Variants in NIPAL2 observed in about 807,000 individuals in gnomAD.
NIPAL2 encodes the protein NIPA like domain containing 2, also known as NIPA-like protein 2.
In NIPAL2, 43 loss-of-function variants were observed where a neutral mutation model predicts 48.9. That is an observed-to-expected ratio of 0.88 (90% CI 0.69 to 1.13). The LOEUF is 1.13. Ranked by LOEUF, NIPAL2 falls within the 50% of genes most tolerant of loss-of-function variation. NIPAL2 has a pLI of 0.00. For missense variants in NIPAL2, 446 were observed against 461.4 expected (o/e 0.97, Z 0.31); for synonymous variants, 167 against 174.6 (o/e 0.96, Z 0.34).
chr8:98,256,275 C>G (rs1813886973), intron 1 of NIPAL2, among the ~76,000 whole-genome samples: 1 of 152,162 alleles, frequency 6.6e-6, no homozygotes, highest in South Asian at 2.1e-4. Flanking sequence ...CTGCCTGCCT[C>G]AGCTCCCAAA....
At chr8:98,253,539 T>A (rs1482536870) in intron 2 of NIPAL2, among the ~76,000 whole-genome samples, 4 of 152,236 alleles carry the variant, frequency 2.6e-5, no homozygotes, top group African/African-American at 9.6e-5. Context: ...TCAGTTATAG[T>A]TCCTATTTTG....
At chr8:98,271,550 G>A (rs1451853361) in intron 1 of NIPAL2, among the ~76,000 whole-genome samples, 2 of 151,950 alleles carry the variant, frequency 1.3e-5, no homozygotes, top group African/African-American at 4.8e-5. Flanking sequence ...TTTTGTATCT[G>A]GAAACTCTAC....
chr8:98,244,684 A>G (rs541309070), intron 3 of NIPAL2, among the ~76,000 whole-genome samples: 2 of 152,190 alleles, frequency 1.3e-5, no homozygotes, highest in East Asian at 3.9e-4. Flanking sequence ...ATTCAAGATC[A>G]GTGAAAGGTG....
At chr8:98,218,147 A>G (rs1222426025) in intron 5 of NIPAL2, among the ~76,000 whole-genome samples, 2 of 152,214 alleles carry the variant, frequency 1.3e-5, no homozygotes, top group African/African-American at 4.8e-5. Context: ...GTAAGTCTTG[A>G]TGCATCTTTA....
intron 1 of NIPAL2, among the ~76,000 whole-genome samples, chr8:98,276,236 G>T (rs887623722): frequency 1.3e-5 from 2 of 152,096 alleles, no homozygotes; most frequent in African/African-American, 4.8e-5. Context: ...AATCCTCTGT[G>T]CTTGCCTATT....
At chr8:98,236,275 AT>A (rs1812711395) in intron 3 of NIPAL2, 61 bp from the exon 4 acceptor site, 1 of 1,184,580 alleles carries the variant, frequency 8.4e-7, no homozygotes, top group Admixed American at 2.0e-5. Context: ...ACGCAATGCC[AT>A]TTGAAAGAAG....
chr8:98,206,614 CT>C (rs1220807086), intron 6 of NIPAL2, among the ~76,000 whole-genome samples: 4 of 151,958 alleles, frequency 2.6e-5, no homozygotes, highest in African/African-American at 9.6e-5. Context: ...CAGTGAAACC[CT>C]GTCTCTACTA....
intron 9 of NIPAL2, among the ~76,000 whole-genome samples, chr8:98,195,421 C>T (rs1156336870): frequency 1.3e-5 from 2 of 152,160 alleles, no homozygotes; most frequent in African/African-American, 4.8e-5. Flanking sequence ...TGTCAAAGTT[C>T]TGCTCTCTGT....
intron 4 of NIPAL2, among the ~76,000 whole-genome samples, chr8:98,234,741 G>A (rs940420143): frequency 8.0e-5 from 12 of 150,760 alleles, no homozygotes; most frequent in African/African-American, 2.2e-4. Flanking sequence ...CAGTAGAGAC[G>A]GGGTTTTGCC....
At position 98,211,338 on chromosome 8, in the gene NIPAL2, C is replaced by T. The variant is rs555724411; in HGVS notation, c.655+1067G>A. ...GTACATTTTGTTTCTTAGTTGTCTG[C>T]TTTTGTTTTCCCTACTTGGTAATTT... On this transcript the variant is annotated intron_variant, in intron 6 of 10. Transcript: ENST00000430223. Among the ~76,000 whole-genome samples the T allele has an allele frequency of 7.2e-5, 11 of 152,188 alleles. 1 individual carries two copies. In the South Asian group the frequency reaches 2.3e-3, roughly 32 times the overall value.
intron 1 of NIPAL2, among the ~76,000 whole-genome samples, chr8:98,285,194 T>C (rs946562048): frequency 3.3e-5 from 5 of 152,094 alleles, no homozygotes; most frequent in Admixed American, 2.6e-4. Context: ...AGGTCCTGGG[T>C]GAGCTGGGAG....
rs3735890 is a variant in NIPAL2 at position 98,203,283 on chromosome 8, T to C, written c.792-87A>G. The stretch of plus-strand genomic sequence containing the variant: ...ATAACTTCAAGAAACACGTGTTCTT[T>C]AGCTACAACTACAAAGGGAAAGGAG... On this transcript the variant is annotated intron_variant, in intron 7 of 10. Coordinates refer to ENST00000430223, the MANE Select transcript of NIPAL2 (RefSeq NM_001321635.2). The C allele has an allele frequency of 2.1e-4, 195 of 929,552 alleles. 2 individuals are homozygous for C. The East Asian group carries it at 4.7e-3, about 22-fold the overall frequency. The allele number at this position is 929,552 out of a possible 1,614,324, so 57.6% of individuals were successfully genotyped here. A position where few individuals can be genotyped will look rare whatever the true frequency, so the allele number is the denominator to read the frequency against.
intron 3 of NIPAL2, among the ~76,000 whole-genome samples, chr8:98,240,345 C>T (rs953951058): frequency 1.3e-5 from 2 of 152,068 alleles, no homozygotes; most frequent in African/African-American, 4.8e-5. Flanking sequence ...GTAAGAAAAA[C>T]CAGGAGGAAG....
At chr8:98,293,868 C>T in intron 1 of NIPAL2, 135 bp downstream of exon 1, 1 of 816,018 alleles carries the variant, frequency 1.2e-6, no homozygotes, top group Non-Finnish European at 1.7e-6. Flanking sequence ...CATTGCATGT[C>T]ACCTCTTCCC....
intron 1 of NIPAL2, among the ~76,000 whole-genome samples, chr8:98,259,178 G>A (rs967028955): frequency 1.4e-5 from 2 of 139,194 alleles, no homozygotes; most frequent in Non-Finnish European, 1.5e-5. Context: ...CCGGGTTCAC[G>A]CCATTCTCCT....
At chr8:98,222,424 A>G in intron 5 of NIPAL2, 55 bp downstream of exon 5, 1 of 1,566,118 alleles carries the variant, frequency 6.4e-7, no homozygotes, top group Middle Eastern at 1.7e-4. Flanking sequence ...ATCTGCATGG[A>G]CCAGTGGTCT....
chr8:98,222,631 T>C lies in NIPAL2; in HGVS notation c.437-31A>G, dbSNP rs1199447138. 2.5e-6 allele frequency: 4 copies of C among 1,610,014 alleles called. No homozygotes were observed. The East Asian group carries it at 6.7e-5, about 27-fold the overall frequency. ...AATAAAATTGAAAAGAAAAACCAAA[T>C]TGAAACCAACCTAAAGCTTTTGTTG... On this transcript the variant is annotated intron_variant, in intron 4 of 10. Transcript: ENST00000430223.
rs370441001 is a variant in NIPAL2 at position 98,192,903 on chromosome 8, G to A, written c.*75C>T. ...CATGTTAGCTTATAAAAGAGCTGCT[G>A]ACACAAATTGAACATGTGCAATTTT... is the stretch of plus-strand genomic sequence containing the variant. On this transcript the variant is annotated 3_prime_UTR_variant, in exon 11 of 11. Transcript: ENST00000430223. The A allele has an allele frequency of 6.0e-5, 53 of 877,630 alleles. No individual in the cohort carries two copies. In the East Asian group the frequency reaches 8.1e-4, roughly 13 times the overall value. The allele number at this position is 877,630 out of a possible 1,614,324, so 54.4% of individuals were successfully genotyped here.
Position 98,294,166 on chromosome 8 carries a change from G to A in NIPAL2, c.-29C>T, listed in dbSNP as rs1178387442. 2.3e-6 allele frequency: 3 copies of A among 1,333,062 alleles called. No individual in the cohort carries two copies. The highest frequency in any genetic ancestry group is 9.6e-7 in the Non-Finnish European group (1 of 1,043,726). 82.6% of individuals were successfully genotyped at this position (1,333,062 alleles called of 1,614,324 possible). ...GTCTCGCTCCCGGCGCTCGGGCTCC[G>A]GCTCGGGCTGCGGCCGCCTCCCCGC... On this transcript the variant is annotated 5_prime_UTR_variant, in exon 1 of 11. Coordinates refer to ENST00000430223, the MANE Select transcript of NIPAL2 (RefSeq NM_001321635.2).
Sources: allele counts gnomAD v4.1 joint callset (sites outside exome capture counted in the v4.1 genomes callset), GRCh38; gene constraint gnomAD v4.1.1; transcripts MANE v1.5; gene names NCBI Gene and HGNC (gene_info 2026-07-23, HGNC 2026-07-21).